Variants in GFRAL observed in about 807,000 individuals in gnomAD.
GFRAL encodes the protein GDNF family receptor alpha-like.
A neutral mutation model predicts 45.4 loss-of-function variants in GFRAL; 36 were observed. The observed-to-expected ratio is 0.79, with a 90% CI of 0.61 to 1.05. GFRAL has a LOEUF of 1.05. GFRAL is among the 50% of genes least tolerant of loss of function. The pLI is 0.00. For missense variants in GFRAL, 507 were observed against 467.5 expected, an observed-to-expected ratio of 1.08 and a Z score of -0.78; for synonymous variants, 166 against 154.1, an observed-to-expected ratio of 1.08 and a Z score of -0.57.
chr6:55,339,419 C>A (rs1392578484), intron 3 of GFRAL, among the ~76,000 whole-genome samples: 2 of 151,810 alleles, frequency 1.3e-5, no homozygotes, highest in African/African-American at 4.8e-5. Context: ...AAGCAGGGAT[C>A]TTGAGGAGAG....
intron 6 of GFRAL, among the ~76,000 whole-genome samples, chr6:55,373,011 C>T (rs1241503492): frequency 6.6e-6 from 1 of 151,490 alleles, no homozygotes; most frequent in African/African-American, 2.4e-5. Context: ...GCCATCTTCC[C>T]GACACAGACA....
intron 6 of GFRAL, among the ~76,000 whole-genome samples, chr6:55,387,694 G>A (rs573306767): frequency 6.6e-5 from 10 of 152,268 alleles, no homozygotes; most frequent in South Asian, 2.1e-4. Flanking sequence ...GCAACGGTTC[G>A]TCTTCCATTA....
At chr6:55,367,831 C>A (rs1768386759) in intron 6 of GFRAL, among the ~76,000 whole-genome samples, 1 of 152,098 alleles carries the variant, frequency 6.6e-6, no homozygotes, top group South Asian at 2.1e-4. Flanking sequence ...TGATGGCGTT[C>A]CCTTTGAGGG....
At chr6:55,394,393 C>T (rs1418009454) in intron 6 of GFRAL, among the ~76,000 whole-genome samples, 2 of 152,082 alleles carry the variant, frequency 1.3e-5, no homozygotes, top group Non-Finnish European at 1.5e-5. Context: ...GACTGAACTC[C>T]AGCCTTTAGA....
chr6:55,358,273 A>G (rs1033695711), intron 5 of GFRAL, among the ~76,000 whole-genome samples: 14 of 151,954 alleles, frequency 9.2e-5, no homozygotes, highest in African/African-American at 3.4e-4. Flanking sequence ...TTATTCTTGC[A>G]TTCATTAATA....
intron 3 of GFRAL, among the ~76,000 whole-genome samples, chr6:55,347,208 A>T (rs1355363715): frequency 6.6e-6 from 1 of 152,120 alleles, no homozygotes; most frequent in African/African-American, 2.4e-5. Context: ...GAATAAAAAG[A>T]TGAAAGTTCT....
At chr6:55,335,353 C>T (rs140738346) in intron 3 of GFRAL, among the ~76,000 whole-genome samples, 1,989 of 152,060 alleles carry the variant, frequency 0.013, 23 homozygotes, top group Non-Finnish European at 0.022. Context: ...GCTGTTTCTG[C>T]AAGTTGAATA....
intron 5 of GFRAL, among the ~76,000 whole-genome samples, chr6:55,355,115 C>T (rs968602441): frequency 6.6e-6 from 1 of 151,774 alleles, no homozygotes; most frequent in African/African-American, 2.4e-5. Context: ...AAACAGATGA[C>T]ATCATATTAT....
Position 55,333,787 on chromosome 6 carries a change from T to C in GFRAL, c.159T>C (p.Asp53=), listed in dbSNP as rs1484483800. 3 of 1,585,716 alleles carry C rather than the reference T, an allele frequency of 1.9e-6. No homozygotes were observed. The highest frequency in any genetic ancestry group is 1.2e-5 in the South Asian group (1 of 86,136). The part of the protein sequence containing the change: ...RVMEDACNDS[D]PGDPCKMRNS... ...TAGTGTTATGTGTTTGATTGTGAGA[T>C]CCAGGTGACCCCTGCAAGATGAGGA... is the stretch of plus-strand genomic sequence containing the variant. The change falls in exon 3 of 9, where the codon GAT becomes GAC. Residue 53 remains aspartate (D), a splice_region_variant and synonymous_variant. Coordinates refer to ENST00000340465, the MANE Select transcript of GFRAL (RefSeq NM_207410.2).
intron 1 of GFRAL, 151 bp downstream of exon 1, chr6:55,327,727 T>G (rs182472037): frequency 1.7e-4 from 119 of 680,092 alleles, no homozygotes; most frequent in Non-Finnish European, 2.7e-5. Flanking sequence ...TTATTCTTCT[T>G]GCAAAAATGT....
chr6:55,330,621 G>A (rs892092853), intron 1 of GFRAL, among the ~76,000 whole-genome samples: 44 of 152,166 alleles, frequency 2.9e-4, no homozygotes, highest in Admixed American at 1.0e-3. Flanking sequence ...GTATGCAGAG[G>A]TAGAAGACAG....
Position 55,331,712 on chromosome 6 carries a change from A to T in GFRAL, c.23-3A>T. 1.3e-6 allele frequency: 2 copies of T among 1,596,018 alleles called. No individual in the cohort carries two copies. The highest frequency in any genetic ancestry group is 8.5e-7 in the Non-Finnish European group (1 of 1,174,246). ...AACCTTGTTTTTGTTGTTGTTATTC[A>T]AGCTATGGGGTTAAGCTTGGAAAAT... On this transcript the variant is annotated splice_region_variant and splice_polypyrimidine_tract_variant and intron_variant, in intron 1 of 8. Coordinates refer to ENST00000340465, the MANE Select transcript of GFRAL (RefSeq NM_207410.2).
intron 6 of GFRAL, among the ~76,000 whole-genome samples, chr6:55,365,292 A>G (rs1391883097): frequency 1.4e-5 from 2 of 141,630 alleles, no homozygotes; most frequent in Admixed American, 1.4e-4. Context: ...TTGATTTTGT[A>G]TCCTGAGACT....
chr6:55,346,900 C>T (rs1397776410), intron 3 of GFRAL, among the ~76,000 whole-genome samples: 1 of 128,854 alleles, frequency 7.8e-6, no homozygotes, highest in Non-Finnish European at 1.6e-5. Flanking sequence ...AGAAATTGAA[C>T]ATTAACATTA....
intron 6 of GFRAL, among the ~76,000 whole-genome samples, chr6:55,376,587 C>T (rs952770799): frequency 3.3e-5 from 5 of 151,902 alleles, no homozygotes; most frequent in Non-Finnish European, 2.9e-5. Context: ...GTGAAGGTGT[C>T]CAGGAATTTG....
chr6:55,350,582 TC>T (rs1261854125), intron 4 of GFRAL, among the ~76,000 whole-genome samples: 1 of 152,070 alleles, frequency 6.6e-6, no homozygotes, highest in East Asian at 1.9e-4. Flanking sequence ...GTGTCTGTGA[TC>T]CCAGCTCATT....
intron 6 of GFRAL, among the ~76,000 whole-genome samples, chr6:55,382,990 G>A (rs767286521): frequency 2.6e-5 from 4 of 151,912 alleles, no homozygotes; most frequent in Non-Finnish European, 5.9e-5. Context: ...AATATGGGTA[G>A]AAAATTTCTG....
chr6:55,400,784 T>G (rs1768886132), intron 8 of GFRAL, among the ~76,000 whole-genome samples: 1 of 152,218 alleles, frequency 6.6e-6, no homozygotes, highest in African/African-American at 2.4e-5. Flanking sequence ...TATTAAAGTT[T>G]ACTTTATTTG....
At chr6:55,362,845 A>G (rs186711357) in intron 6 of GFRAL, among the ~76,000 whole-genome samples, 1 of 151,990 alleles carries the variant, frequency 6.6e-6, no homozygotes, top group African/African-American at 2.4e-5. Context: ...TAATTAAAAG[A>G]AAAAGGAGAA....
Sources: allele counts gnomAD v4.1 joint callset (sites outside exome capture counted in the v4.1 genomes callset), GRCh38; gene constraint gnomAD v4.1.1; transcripts MANE v1.5; gene names NCBI Gene and HGNC (gene_info 2026-07-23, HGNC 2026-07-21).